NFIA: variants seen among roughly 807,000 people sequenced by gnomAD.
NFIA encodes the protein nuclear factor I A, also known as nuclear factor 1 A-type.
NFIA carries 8 observed loss-of-function variants against 62.8 expected under a neutral mutation model. That is an observed-to-expected ratio of 0.13 (90% CI 0.07 to 0.23). The LOEUF (loss-of-function observed/expected upper bound fraction) is 0.23. Ranked by LOEUF, NFIA falls within the 10% of genes least tolerant of loss-of-function variation. The pLI, the probability that NFIA is intolerant of heterozygous loss-of-function variation, is 1.00. For synonymous variants in NFIA, 235 were observed against 238.1 expected (o/e 0.99, Z 0.12); for missense variants, 410 against 642.1 (o/e 0.64, Z 3.91).
intron 4 of NFIA, among the ~76,000 whole-genome samples, chr1:61,341,060 C>CTTTTTTT (rs35203949): frequency 7.4e-5 from 8 of 108,794 alleles, no homozygotes; most frequent in African/African-American, 2.5e-4. Context: ...TACCGGCATT[C>CTTTTTTT]TTTTTTTTTT....
At chr1:61,277,032 C>T (rs185953514) in intron 2 of NFIA, among the ~76,000 whole-genome samples, 117 of 152,260 alleles carry the variant, frequency 7.7e-4, no homozygotes, top group South Asian at 3.1e-3. Flanking sequence ...TGTTAGTCTG[C>T]GTAGTCTGTT....
At chr1:61,292,973 C>T (rs892497779) in intron 3 of NFIA, among the ~76,000 whole-genome samples, 1 of 152,148 alleles carries the variant, frequency 6.6e-6, no homozygotes, top group East Asian at 1.9e-4. Context: ...GGGTTGAGCA[C>T]CTTCTCTGTA....
chr1:61,184,125 CAA>C (rs71050114), intron 2 of NFIA, among the ~76,000 whole-genome samples: 1,293 of 94,874 alleles, frequency 0.014, 8 homozygotes, highest in African/African-American at 0.018. Flanking sequence ...GAAAAAAAAC[CAA>C]AAAAAAAAAA....
At chr1:61,309,659 G>C (rs562561502) in intron 3 of NFIA, among the ~76,000 whole-genome samples, 3 of 152,212 alleles carry the variant, frequency 2.0e-5, no homozygotes, top group African/African-American at 4.8e-5. Flanking sequence ...GGGAGGCCAG[G>C]GTGGGTGGAT....
At chr1:61,172,615 C>G (rs1196854728) in intron 2 of NFIA, among the ~76,000 whole-genome samples, 1 of 152,188 alleles carries the variant, frequency 6.6e-6, no homozygotes, top group Non-Finnish European at 1.5e-5. Flanking sequence ...GCCCCAAGCC[C>G]TGTGTTCTAG....
intron 2 of NFIA, among the ~76,000 whole-genome samples, chr1:61,222,564 A>AGG (rs1654085528): frequency 6.6e-6 from 1 of 152,094 alleles, no homozygotes; most frequent in Non-Finnish European, 1.5e-5. Context: ...GAGAGCTGAG[A>AGG]GGTATAGTTT....
chr1:61,381,100 GA>G (rs71582641), intron 6 of NFIA, among the ~76,000 whole-genome samples: 3,000 of 134,630 alleles, frequency 0.022, 62 homozygotes, highest in African/African-American at 0.055. Flanking sequence ...TCCATTATCT[GA>G]AAAAAAAAAA....
At chr1:61,081,545 T>C (rs1570104812), upstream of NFIA, among the ~76,000 whole-genome samples, 1 of 152,264 alleles carries the variant, frequency 6.6e-6, no homozygotes, top group East Asian at 1.9e-4. Flanking sequence ...CTTTCACATA[T>C]TTTTTTCCTC....
intron 2 of NFIA, among the ~76,000 whole-genome samples, chr1:61,169,645 C>T (rs569703659): frequency 3.3e-5 from 5 of 152,300 alleles, no homozygotes; most frequent in African/African-American, 1.2e-4. Context: ...ACTAAATGCC[C>T]CTTATTGTCA....
At chr1:61,437,633 T>G (rs1667388903) in intron 10 of NFIA, among the ~76,000 whole-genome samples, 1 of 152,100 alleles carries the variant, frequency 6.6e-6, no homozygotes, top group Admixed American at 6.5e-5. Flanking sequence ...TAAACTAAGA[T>G]GTGATCGATG....
At position 61,429,219 on chromosome 1, in the gene NFIA, G is replaced by C. The variant is rs188311168; in HGVS notation, c.1512+2663G>C. 4.0e-3 allele frequency among the ~76,000 whole-genome samples: 610 copies of C among 152,218 alleles called. 4 individuals carry two copies. Among genetic ancestry groups the C allele is most frequent in the African/African-American group, 0.013 (532 of 41,522 alleles). On this transcript the variant is annotated intron_variant, in intron 10 of 10. Transcript: ENST00000403491. Reference sequence around the variant, plus strand: ...TATTTGATTGTATATAGCTTCTACTGGGCATTTTCTATGTACTAAATCCAT... The same window carrying C: ...TATTTGATTGTATATAGCTTCTACTCGGCATTTTCTATGTACTAAATCCAT...
intron 4 of NFIA, among the ~76,000 whole-genome samples, chr1:61,345,381 G>A (rs1346947307): frequency 6.6e-6 from 1 of 152,152 alleles, no homozygotes; most frequent in African/African-American, 2.4e-5. Flanking sequence ...ACACAAAACT[G>A]GTCAAAGGGA....
intron 6 of NFIA, among the ~76,000 whole-genome samples, chr1:61,363,029 A>G (rs573753589): frequency 5.3e-5 from 8 of 152,340 alleles, no homozygotes; most frequent in African/African-American, 1.7e-4. Context: ...TCTAGTTACA[A>G]TTGAGTACCT....
intron 10 of NFIA, among the ~76,000 whole-genome samples, chr1:61,450,443 A>C (rs940051097): frequency 6.6e-6 from 1 of 152,200 alleles, no homozygotes; most frequent in Non-Finnish European, 1.5e-5. Context: ...CCACTGGAGT[A>C]GTGTGAAGTA....
intron 2 of NFIA, among the ~76,000 whole-genome samples, chr1:61,259,118 A>G (rs949628846): frequency 6.6e-6 from 1 of 152,166 alleles, no homozygotes; most frequent in Non-Finnish European, 1.5e-5. Context: ...GTTGGTTTAT[A>G]TTTCAAATAT....
intron 2 of NFIA, among the ~76,000 whole-genome samples, chr1:61,155,530 G>T (rs1045294647): frequency 2.4e-4 from 37 of 151,674 alleles, no homozygotes; most frequent in African/African-American, 8.2e-4. Context: ...AAAATTAGCC[G>T]GGCGCGGTGG....
chr1:61,225,351 A>G (rs1302848897), intron 2 of NFIA, among the ~76,000 whole-genome samples: 2 of 151,930 alleles, frequency 1.3e-5, no homozygotes, highest in Non-Finnish European at 2.9e-5. Context: ...CCCGGGTTCA[A>G]GTGATTCTCC....
chr1:61,339,994 T>C (rs1661814020), intron 4 of NFIA, among the ~76,000 whole-genome samples: 2 of 152,202 alleles, frequency 1.3e-5, no homozygotes, highest in Admixed American at 1.3e-4. Flanking sequence ...CTTATGACAT[T>C]AGTGTATCCT....
chr1:61,157,975 G>A (rs1648930127), intron 2 of NFIA, among the ~76,000 whole-genome samples: 1 of 152,148 alleles, frequency 6.6e-6, no homozygotes, highest in South Asian at 2.1e-4. Context: ...ACTGTTAAAA[G>A]TTATTTACAT....
Sources: allele counts gnomAD v4.1 joint callset (sites outside exome capture counted in the v4.1 genomes callset), GRCh38; gene constraint gnomAD v4.1.1; transcripts MANE v1.5; gene names NCBI Gene and HGNC (gene_info 2026-07-23, HGNC 2026-07-21).